Variants in ZNF804B observed in about 807,000 individuals in gnomAD.
ZNF804B encodes the protein zinc finger 804B.
Under a neutral mutation model 101.4 loss-of-function variants are expected in ZNF804B, and 80 were observed. The observed-to-expected ratio is 0.79, with a 90% CI of 0.66 to 0.95. The LOEUF is 0.95. Among genes scored for constraint, ZNF804B ranks in the 40% least tolerant of loss-of-function variants. The pLI is 0.00. For missense variants in ZNF804B, 1,673 were observed against 1,561.9 expected (o/e 1.07, Z -1.20); for synonymous variants, 622 against 558.8 (o/e 1.11, Z -1.59).
At chr7:88,942,521 T>C (rs1793069601) in intron 1 of ZNF804B, among the ~76,000 whole-genome samples, 1 of 150,786 alleles carries the variant, frequency 6.6e-6, no homozygotes, top group South Asian at 2.1e-4. Context: ...TGTGTGTGTG[T>C]GTGTGTGTGT....
intron 1 of ZNF804B, among the ~76,000 whole-genome samples, chr7:88,891,195 T>A (rs1792208056): frequency 6.6e-6 from 1 of 152,256 alleles, no homozygotes; most frequent in East Asian, 1.9e-4. Context: ...ACCTTGATAA[T>A]GATCGTTAAT....
intron 1 of ZNF804B, among the ~76,000 whole-genome samples, chr7:88,871,254 T>A (rs1177751153): frequency 6.6e-6 from 1 of 152,172 alleles, no homozygotes; most frequent in Non-Finnish European, 1.5e-5. Context: ...CCCTGTGAAC[T>A]TTAATAAGCT....
intron 1 of ZNF804B, among the ~76,000 whole-genome samples, chr7:88,825,826 A>G (rs1025941978): frequency 4.6e-5 from 7 of 152,132 alleles, no homozygotes; most frequent in Non-Finnish European, 8.8e-5. Flanking sequence ...GTCTCATCCA[A>G]TATCCACCAA....
At chr7:89,232,005 G>A (rs576898176) in intron 2 of ZNF804B, among the ~76,000 whole-genome samples, 3 of 152,166 alleles carry the variant, frequency 2.0e-5, no homozygotes, top group East Asian at 3.9e-4. Flanking sequence ...CTGAATCGTA[G>A]GTAGAGATAA....
intron 1 of ZNF804B, among the ~76,000 whole-genome samples, chr7:89,098,586 T>G (rs557576303): frequency 6.6e-6 from 1 of 152,178 alleles, no homozygotes; most frequent in African/African-American, 2.4e-5. Flanking sequence ...ACAACTTTTT[T>G]TAATGAAGAA....
chr7:88,838,204 G>A (rs958527819), intron 1 of ZNF804B, among the ~76,000 whole-genome samples: 14 of 151,680 alleles, frequency 9.2e-5, no homozygotes, highest in Non-Finnish European at 2.9e-5. Context: ...GTTAAAATAC[G>A]CTCAATTCTT....
chr7:89,171,340 CTTCTTCTTCTTCTTCT>C (rs1562904502), intron 1 of ZNF804B, among the ~76,000 whole-genome samples: 25 of 132,134 alleles, frequency 1.9e-4, no homozygotes, highest in African/African-American at 7.1e-4. Flanking sequence ...TCTTCTTCTT[CTTCTTCTTCTTCTTCT>C]TCCTCCTCTT....
Position 88,877,006 on chromosome 7 carries a change from A to AAAAATATATATAT in ZNF804B, c.108+116924_108+116925insAATATATATATAA, listed in dbSNP as rs1171913711. Among the ~76,000 whole-genome samples the AAAAATATATATAT allele has an allele frequency of 8.7e-4, 73 of 84,246 alleles. 6 individuals carry two copies. Among genetic ancestry groups the AAAAATATATATAT allele is most frequent in the East Asian group, 2.2e-3 (6 of 2,674 alleles). 55.3% of individuals were successfully genotyped at this position (84,246 alleles called of 152,430 possible). On this transcript the variant is annotated intron_variant, in intron 1 of 3. Transcript: ENST00000333190. ...TTATACAGAGAATATTTGAAAAAAA[A>AAAAATATATATAT]AATATATATATATATATATAATATA... is the stretch of plus-strand genomic sequence containing the variant.
intron 1 of ZNF804B, among the ~76,000 whole-genome samples, chr7:88,854,533 T>TCCTTC (rs1562812940): frequency 7.7e-5 from 6 of 78,192 alleles, no homozygotes; most frequent in Non-Finnish European, 7.2e-5. Context: ...TTCCTTTCCT[T>TCCTTC]CCTTCCTTCC....
intron 1 of ZNF804B, among the ~76,000 whole-genome samples, chr7:89,198,857 C>A (rs993383002): frequency 1.3e-5 from 2 of 151,916 alleles, no homozygotes; most frequent in African/African-American, 4.8e-5. Context: ...AGCTCACCAT[C>A]TGTAGCAGAA....
chr7:89,028,678 A>G (rs955811498), intron 1 of ZNF804B, among the ~76,000 whole-genome samples: 1 of 152,128 alleles, frequency 6.6e-6, no homozygotes, highest in Non-Finnish European at 1.5e-5. Flanking sequence ...AAATGATTAA[A>G]ATTATGCTTT....
intron 1 of ZNF804B, among the ~76,000 whole-genome samples, chr7:89,024,985 C>T (rs973805757): frequency 2.0e-5 from 3 of 152,110 alleles, no homozygotes; most frequent in African/African-American, 7.2e-5. Context: ...ACACCCATAC[C>T]TATAGATGCA....
chr7:89,076,855 C>A (rs1362767497), intron 1 of ZNF804B, among the ~76,000 whole-genome samples: 2 of 151,828 alleles, frequency 1.3e-5, no homozygotes, highest in African/African-American at 4.8e-5. Context: ...TGAGAGAGTC[C>A]CTGGGAATAG....
chr7:89,259,737 C>T (rs1339498248), intron 2 of ZNF804B, among the ~76,000 whole-genome samples: 2 of 152,116 alleles, frequency 1.3e-5, no homozygotes, highest in Non-Finnish European at 1.5e-5. Context: ...GATCCCAGCA[C>T]TTTGGGAGGT....
intron 1 of ZNF804B, among the ~76,000 whole-genome samples, chr7:89,091,557 A>G (rs1437985897): frequency 6.6e-6 from 1 of 152,186 alleles, no homozygotes; most frequent in Non-Finnish European, 1.5e-5. Flanking sequence ...AAAGCATGAT[A>G]TGGTGGTCTT....
intron 1 of ZNF804B, among the ~76,000 whole-genome samples, chr7:89,101,292 A>T (rs1431743086): frequency 6.6e-6 from 1 of 152,174 alleles, no homozygotes; most frequent in Admixed American, 6.6e-5. Context: ...CGAGGTTGGC[A>T]TTCAAACAGA....
chr7:89,291,765 A>G (rs1790295367), intron 2 of ZNF804B, among the ~76,000 whole-genome samples: 1 of 152,140 alleles, frequency 6.6e-6, no homozygotes, highest in Non-Finnish European at 1.5e-5. Flanking sequence ...AGATATTAAT[A>G]TCGAAGTACA....
chr7:89,151,540 G>A (rs1221849217), intron 1 of ZNF804B, among the ~76,000 whole-genome samples: 1 of 152,002 alleles, frequency 6.6e-6, no homozygotes, highest in Non-Finnish European at 1.5e-5. Context: ...CATGGATGTT[G>A]TCCATGATTA....
chr7:89,222,157 TA>T (rs34589912), intron 2 of ZNF804B, among the ~76,000 whole-genome samples: 1 of 151,936 alleles, frequency 6.6e-6, no homozygotes, highest in African/African-American at 2.4e-5. Context: ...TGGGGGCAGT[TA>T]AAAAGCGTAA....
Sources: gnomAD v4.1 joint callset for allele counts (sites outside exome capture counted in the v4.1 genomes callset) on GRCh38, gnomAD v4.1.1 for gene constraint, MANE v1.5 for transcripts, NCBI Gene and HGNC (gene_info 2026-07-23, HGNC 2026-07-21) for gene names.